The following TTN variants were observed in gnomAD, a reference collection of about 807,000 sequenced individuals.
TTN encodes the protein connectin.
In TTN, 1,525 loss-of-function variants were observed where a neutral mutation model predicts 3,223.0. That is an observed-to-expected ratio of 0.47 (90% confidence interval 0.45 to 0.49). The LOEUF is 0.49. Ranked by LOEUF, TTN falls within the 20% of genes least tolerant of loss-of-function variation. The pLI, the probability that TTN is intolerant of heterozygous loss-of-function variation, is 0.00. For missense variants in TTN, 40,786 were observed against 43,424.0 expected, an observed-to-expected ratio of 0.94 and a Z score of 5.40; for synonymous variants, 14,094 against 15,161.0, an observed-to-expected ratio of 0.93 and a Z score of 5.17.
At position 178,569,412 on chromosome 2, in the gene TTN, A is replaced by G. The variant is rs3813245; in HGVS notation, c.76720T>C (p.Tyr25574His). 0.023 allele frequency: 36,957 copies of G among 1,613,320 alleles called. 526 individuals carry two copies. The highest frequency in any genetic ancestry group is 0.063 in the East Asian group (2,831 of 44,772). Reference sequence around the variant, plus strand: ...GTAAGCGTATATTTTCCACTATCATATCGGTTGACATTGTCAAGAACAAGA... The same window carrying G: ...GTAAGCGTATATTTTCCACTATCATGTCGGTTGACATTGTCAAGAACAAGA... Reference protein sequence around the residue: ...TSLVLDNVNRYDSGKYTLTLE... With the variant: ...TSLVLDNVNRHDSGKYTLTLE... The change falls in exon 326 of 363, where the codon TAT becomes CAT. Residue 25574 changes from tyrosine to histidine, a missense_variant. Transcript: ENST00000589042.
intron 117 of TTN, 187 bp downstream of exon 117, chr2:178,694,412 A>C (rs2073187484): frequency 2.0e-6 from 1 of 501,970 alleles, no homozygotes; most frequent in African/African-American, 2.0e-5. Flanking sequence ...CAGAACTAGA[A>C]ACAAAGTAGA....
rs758959812 is a variant in TTN, at chr2:178,711,945, T to C, written c.27885A>G (p.Gln9295=). 5.0e-6 allele frequency: 8 copies of C among 1,591,008 alleles called. No homozygotes were observed. Among genetic ancestry groups the C allele is most frequent in the Non-Finnish European group, 6.9e-6 (8 of 1,167,846 alleles). ...TCACTTTAAAAATATTGCAATCACC[T>C]TGAACGGTAAGGAAAGTTGATGCAG... is the stretch of plus-strand genomic sequence containing the variant. The part of the protein sequence containing the change: ...EVSASTFLTV[Q]EQKLPPSFSR... The change falls in exon 96 of 363, where the codon CAA becomes CAG. Residue 9295 remains glutamine, a splice_region_variant and synonymous_variant. Transcript: ENST00000589042.
chr2:178,617,216 CT>C lies in TTN; in HGVS notation c.47778del (p.Gly15927GlufsTer39). ...ELTYKVTGLE[K>X]GNKYLYRVSA... ...GATACTCTATATAAATATTTATTTC[CT>C]TTTTCCAATCCGGTAACCTACGATT... On this transcript the variant is annotated frameshift_variant, in exon 255 of 363. Coordinates refer to ENST00000589042, the MANE Select transcript of TTN (RefSeq NM_001267550.2). LOFTEE classifies it high-confidence loss of function. 6.4e-7 allele frequency: 1 copy of C among 1,551,276 alleles called. No homozygotes were observed. The highest frequency in any genetic ancestry group is 8.7e-7 in the Non-Finnish European group (1 of 1,150,310).
At chr2:178,746,443 T>C (rs777335858) in intron 47 of TTN, 1 of 1,611,702 alleles carries the variant, frequency 6.2e-7, no homozygotes, top group South Asian at 1.1e-5. Flanking sequence ...CTTTAACGTC[T>C]TTTTCACTTA....
intron 350 of TTN, 48 bp downstream of exon 350, chr2:178,541,234 C>T (rs1483973868): frequency 1.1e-5 from 15 of 1,427,994 alleles, no homozygotes; most frequent in Non-Finnish European, 1.4e-5. Flanking sequence ...AATTTTCCCA[C>T]ATATAAATTG....
At chr2:178,633,795 G>C in intron 231 of TTN, 22 bp downstream of exon 231, 1 of 1,611,404 alleles carries the variant, frequency 6.2e-7, no homozygotes, top group Non-Finnish European at 8.5e-7. Context: ...CTGGCTATCT[G>C]GTTATACTTG....
Position 178,710,696 on chromosome 2 carries a change from A to G in TTN, c.28401T>C (p.Tyr9467=). The G allele has an allele frequency of 6.2e-7, 1 of 1,613,544 alleles. No individual in the cohort carries two copies. The highest frequency in any genetic ancestry group is 8.5e-7 in the Non-Finnish European group (1 of 1,179,828). Residue 9467 remains tyrosine, a synonymous_variant, in exon 98 of 363, where the codon TAT becomes TAC. Coordinates refer to ENST00000589042, the MANE Select transcript of TTN (RefSeq NM_001267550.2). ...LKVDKGDSGQ[Y]TCYAVNEVGK... is the part of the protein sequence containing the mutation. ...CCACTTCATTCACAGCATAGCAGGTATATTGTCCAGAATCTCCTTTGTCTA... is the reference window on the plus strand; with the variant it reads ...CCACTTCATTCACAGCATAGCAGGTGTATTGTCCAGAATCTCCTTTGTCTA...
chr2:178,580,392 T>G lies in TTN; in HGVS notation c.66987A>C (p.Ala22329=), dbSNP rs1443297336. 13 of 1,613,196 alleles carry G rather than the reference T, an allele frequency of 8.1e-6. No individual in the cohort carries two copies. Among genetic ancestry groups the G allele is most frequent in the African/African-American group, 1.3e-5 (1 of 74,896 alleles). ...LRCENVNKYD[A]GKYILTLENS... ...TCTCCAGGGTTAAGATATATTTTCC[T>G]GCATCATATTTGTTCACATTTTCAC... Residue 22329 remains alanine, a synonymous_variant, in exon 317 of 363, where the codon GCA becomes GCC. Transcript: ENST00000589042.
At chr2:178,719,051 A>C in intron 83 of TTN, 78 bp from the exon 84 acceptor site, 1 of 1,520,964 alleles carries the variant, frequency 6.6e-7, no homozygotes, top group Admixed American at 2.3e-5. Context: ...CCTTAAAAAA[A>C]GGGAGCTAAG....
intron 52 of TTN, among the ~76,000 whole-genome samples, chr2:178,734,104 T>C (rs905258075): frequency 6.6e-6 from 1 of 152,128 alleles, no homozygotes; most frequent in Non-Finnish European, 1.5e-5. Context: ...GCTGACAAAA[T>C]GGCTTATTAT....
At chr2:178,652,420 A>C (rs2063190794) in intron 202 of TTN, 38 bp downstream of exon 202, 1 of 1,613,066 alleles carries the variant, frequency 6.2e-7, no homozygotes, top group Non-Finnish European at 8.5e-7. Context: ...AGAGCAGAAG[A>C]GTTTGATCAT....
rs1705902719 is a variant in TTN, at chr2:178,566,461, T to C, written c.79671A>G (p.Gln26557=). 1.9e-6 allele frequency: 3 copies of C among 1,613,394 alleles called. No homozygotes were observed. The highest frequency in any genetic ancestry group is 2.7e-5 in the African/African-American group (2 of 74,916). ...GGGCACAGACTCGTATTTTATACTC[T>C]TGGTGTTCAGTGAGTTTTGAAATTT... ...RFEISKLTEH[Q]EYKIRVCALN... is the part of the protein sequence containing the mutation. Residue 26557 remains glutamine, a synonymous_variant, in exon 326 of 363, where the codon CAA becomes CAG. Transcript: ENST00000589042.
chr2:178,776,801 T>C lies in TTN; in HGVS notation c.5063A>G (p.Gln1688Arg), dbSNP rs1481683663. The part of the protein sequence containing the change: ...EPLHLRYGQE[Q>R]WEEGDLYDKE... ...GTCATAGAGATCACCTTCTTCCCAT[T>C]GCTCTTGGCCATATCGCAAATGGAG... The change falls in exon 28 of 363, where the codon CAA becomes CGA. Residue 1688 changes from glutamine (Q) to arginine (R), a missense_variant. Gln to Arg is a conservative substitution (Grantham distance 43). Transcript: ENST00000589042. 14 of 1,614,032 alleles carry C rather than the reference T, an allele frequency of 8.7e-6. No individual in the cohort carries two copies. The highest frequency in any genetic ancestry group is 1.2e-5 in the Non-Finnish European group (14 of 1,180,020).
In TTN at chr2:178,663,904, T is replaced by G; in HGVS notation, c.36365-2A>C. ...TAACCTCTTTGGAAGCTTCTGGCAC[T>G]TGAAAGATATTAGTGAAATTACATT... On this transcript the variant is annotated splice_acceptor_variant, in intron 169 of 362. Coordinates refer to ENST00000589042, the MANE Select transcript of TTN (RefSeq NM_001267550.2). LOFTEE classifies it high-confidence loss of function. 6.2e-7 allele frequency: 1 copy of G among 1,613,320 alleles called. No homozygotes were observed. The highest frequency in any genetic ancestry group is 8.5e-7 in the Non-Finnish European group (1 of 1,179,758).
chr2:178,711,181 A>G lies in TTN; in HGVS notation c.28055T>C (p.Leu9352Ser), dbSNP rs776487201. 39 of 1,613,728 alleles carry G rather than the reference A, an allele frequency of 2.4e-5. No homozygotes were observed. The Admixed American group carries it at 6.2e-4, about 26-fold the overall frequency. The stretch of plus-strand genomic sequence containing the variant: ...AATATTGAGTGTGGCTGTATTGTCT[A>G]AAAATGATGTTTGTACATTTGGGCT... ...KDSPNVQTSF[L>S]DNTATLNIFK... is the part of the protein sequence containing the mutation. Residue 9352 changes from leucine (L) to serine (S), a missense_variant, in exon 97 of 363, where the codon TTA becomes TCA. By Grantham distance (145) the Leu-to-Ser change is moderately radical. Coordinates refer to ENST00000589042, the MANE Select transcript of TTN (RefSeq NM_001267550.2).
rs774226045 is a variant in TTN at position 178,573,869 on chromosome 2, A to G, written c.72263T>C (p.Val24088Ala). 4.5e-5 allele frequency: 72 copies of G among 1,610,990 alleles called. 1 individual carries two copies. In the South Asian group the frequency reaches 7.8e-4, roughly 17 times the overall value. Residue 24088 changes from valine to alanine, a missense_variant, in exon 326 of 363, where the codon GTA becomes GCA. Physicochemically the swap from Val to Ala is moderately conservative, Grantham distance 64 (BLOSUM62 0). Transcript: ENST00000589042. The part of the protein sequence containing the change: ...IKIADFSTNL[V>A]NKDSTRRDSG... ...ATCCCTTCTTGTTGAATCTTTGTTT[A>G]CCAGATTAGTAGAGAAATCTGCAAT...
Position 178,578,833 on chromosome 2 carries a change from C to G in TTN, c.68197G>C (p.Glu22733Gln). 1 of 1,611,486 alleles carries G rather than the reference C, an allele frequency of 6.2e-7. No individual in the cohort carries two copies. Among genetic ancestry groups the G allele is most frequent in the African/African-American group, 1.3e-5 (1 of 74,932 alleles). ...AATGGATGTCTCGCAACAATTGGCTCCGATTTCAGGCCTTCCCCTACACCA... is the reference window on the plus strand; with the variant it reads ...AATGGATGTCTCGCAACAATTGGCTGCGATTTCAGGCCTTCCCCTACACCA... ...KYGVGEGLKS[E>Q]PIVARHPFDV... The change falls in exon 320 of 363, where the codon GAG (glutamate) becomes CAG (glutamine). Residue 22733 changes from glutamate (E) to glutamine (Q), a missense_variant. By Grantham distance (29) the Glu-to-Gln change is conservative (BLOSUM62 2). Coordinates refer to ENST00000589042, the MANE Select transcript of TTN (RefSeq NM_001267550.2).
intron 326 of TTN, 98 bp from the exon 327 acceptor site, chr2:178,558,735 G>C (rs1054638546): frequency 1.1e-5 from 14 of 1,289,382 alleles, no homozygotes; most frequent in Non-Finnish European, 1.5e-5. Flanking sequence ...TTAAATGAAG[G>C]CCATATTTTT....
rs146144305 is a variant in TTN at position 178,783,458 on chromosome 2, C to T, written c.2841+262G>A. Among the ~76,000 whole-genome samples, 309 of 152,262 alleles carry T rather than the reference C, an allele frequency of 2.0e-3. 7 individuals are homozygous for T. In the South Asian group the frequency reaches 0.025, roughly 12 times the overall value. On this transcript the variant is annotated intron_variant, in intron 17 of 362. Coordinates refer to ENST00000589042, the MANE Select transcript of TTN (RefSeq NM_001267550.2). ...TGGATTGGTCTTTATGTCTGCACAG[C>T]TCCTGCAATAATGCCTTCTGCATAT...
Sources: gnomAD v4.1 joint callset for allele counts (sites outside exome capture counted in the v4.1 genomes callset) on GRCh38, gnomAD v4.1.1 for gene constraint, MANE v1.5 for transcripts, NCBI Gene and HGNC (gene_info 2026-07-23, HGNC 2026-07-21) for gene names.